HVCN1: variants seen among roughly 807,000 people sequenced by gnomAD.
HVCN1 encodes the protein hydrogen voltage gated channel 1, also known as voltage-gated hydrogen channel 1.
HVCN1 carries 14 observed loss-of-function variants against 29.2 expected under a neutral mutation model. That is an observed-to-expected ratio of 0.48 (90% CI 0.32 to 0.75). The LOEUF (loss-of-function observed/expected upper bound fraction) is 0.75, where lower values mean the gene tolerates loss of function less well. HVCN1 is among the 30% of genes least tolerant of loss of function. HVCN1 has a pLI of 0.04. For synonymous variants in HVCN1, 131 were observed against 133.2 expected, an observed-to-expected ratio of 0.98 and a Z score of 0.11; for missense variants, 263 against 341.8, an observed-to-expected ratio of 0.77 and a Z score of 1.82.
chr12:110,682,439 C>T (rs2069015172), intron 3 of HVCN1, among the ~76,000 whole-genome samples: 1 of 151,988 alleles, frequency 6.6e-6, no homozygotes, highest in South Asian at 2.1e-4. Flanking sequence ...CCTCAAGTGA[C>T]TTGCCCACCT....
chr12:110,650,827 G>A (rs1486693824), intron 6 of HVCN1, among the ~76,000 whole-genome samples: 1 of 151,810 alleles, frequency 6.6e-6, no homozygotes, highest in Non-Finnish European at 1.5e-5. Flanking sequence ...CCCAGTGGCT[G>A]GGACTACATG....
intron 4 of HVCN1, among the ~76,000 whole-genome samples, chr12:110,655,683 C>A (rs1461256636): frequency 6.6e-6 from 1 of 151,880 alleles, no homozygotes; most frequent in Non-Finnish European, 1.5e-5. Context: ...ACTGCCCATA[C>A]CTAGATGGCA....
intron 3 of HVCN1, among the ~76,000 whole-genome samples, chr12:110,674,665 G>A (rs538430040): frequency 1.9e-4 from 29 of 152,188 alleles, no homozygotes; most frequent in African/African-American, 5.5e-4. Flanking sequence ...TGGGTTTATC[G>A]GGGTTTCTGC....
intron 2 of HVCN1, among the ~76,000 whole-genome samples, chr12:110,686,856 G>T (rs550952963): frequency 6.6e-6 from 1 of 152,308 alleles, no homozygotes; most frequent in African/African-American, 2.4e-5. Flanking sequence ...GTATCTCCAA[G>T]AAGCCATTTG....
upstream of HVCN1, among the ~76,000 whole-genome samples, chr12:110,693,521 G>A (rs1161929275): frequency 6.6e-6 from 1 of 151,286 alleles, no homozygotes; most frequent in Non-Finnish European, 1.5e-5. Context: ...TCCAGCCTGG[G>A]CAACAAGAGT....
chr12:110,685,271 G>A lies in HVCN1; in HGVS notation c.-19-2007C>T, dbSNP rs1401815681. ...AAGATTCAGTGCTTTAAAGATGGAG[G>A]ATGGGGCCTCAATCCAAGGCATGTG... is the stretch of plus-strand genomic sequence containing the variant. On this transcript the variant is annotated intron_variant, in intron 2 of 7. Transcript: ENST00000242607. 2.0e-5 allele frequency among the ~76,000 whole-genome samples: 3 copies of A among 152,156 alleles called. No homozygotes were observed. In the East Asian group the frequency reaches 5.8e-4, roughly 29 times the overall value.
rs2067661112 is a variant in HVCN1 at position 110,649,197 on chromosome 12, T to C, written c.*213A>G. 1 of 684,968 alleles carries C rather than the reference T, an allele frequency of 1.5e-6. No homozygotes were observed. Among genetic ancestry groups the C allele is most frequent in the Admixed American group, 2.2e-5 (1 of 45,616 alleles). 42.4% of individuals were successfully genotyped at this position (684,968 alleles called of 1,614,324 possible). A position where few individuals can be genotyped will look rare whatever the true frequency, so the allele number is the denominator to read the frequency against. ...TTCAACATGAGAAAATGTGATACAT[T>C]TGATACAGTGTGGGGTGGGAGTGGA... On this transcript the variant is annotated 3_prime_UTR_variant, in exon 8 of 8. Transcript: ENST00000242607.
intron 4 of HVCN1, among the ~76,000 whole-genome samples, chr12:110,657,894 G>A (rs1350286715): frequency 6.6e-6 from 1 of 152,190 alleles, no homozygotes; most frequent in Non-Finnish European, 1.5e-5. Flanking sequence ...CCAGTCCTGG[G>A]CTCAGCTCCC....
intron 2 of HVCN1, among the ~76,000 whole-genome samples, chr12:110,683,979 G>A (rs1369692562): frequency 6.7e-6 from 1 of 148,822 alleles, no homozygotes; most frequent in Non-Finnish European, 1.5e-5. Context: ...CAATGTAGAT[G>A]AACCTCAAAG....
intron 3 of HVCN1, among the ~76,000 whole-genome samples, chr12:110,673,861 T>C (rs1348117429): frequency 6.6e-6 from 1 of 152,184 alleles, no homozygotes; most frequent in Non-Finnish European, 1.5e-5. Flanking sequence ...GGGGCCCTCA[T>C]GGAGAACCTC....
At chr12:110,701,251 T>G (rs1391321987) in intron 2 of HVCN1, among the ~76,000 whole-genome samples, 2 of 152,206 alleles carry the variant, frequency 1.3e-5, no homozygotes, top group African/African-American at 4.8e-5. Flanking sequence ...TCCAGCCTGT[T>G]TTTATCACCA....
Position 110,649,248 on chromosome 12 carries a change from C to A in HVCN1, c.*162G>T. ...TGGGCAGCTCTTGGTGGTACTGGACCTTCCACAAGGCTGTGTCCACCCAGA... is the reference window on the plus strand; with the variant it reads ...TGGGCAGCTCTTGGTGGTACTGGACATTCCACAAGGCTGTGTCCACCCAGA... On this transcript the variant is annotated 3_prime_UTR_variant, in exon 8 of 8. Transcript: ENST00000242607. 1.5e-6 allele frequency: 1 copy of A among 677,738 alleles called. No individual in the cohort carries two copies. The highest frequency in any genetic ancestry group is 2.7e-6 in the Non-Finnish European group (1 of 372,410). 42.0% of individuals were successfully genotyped at this position (677,738 alleles called of 1,614,324 possible).
intron 3 of HVCN1, among the ~76,000 whole-genome samples, chr12:110,663,699 G>A (rs1379288649): frequency 6.6e-6 from 1 of 151,594 alleles, no homozygotes; most frequent in East Asian, 1.9e-4. Flanking sequence ...CTATACAGCA[G>A]TTAAAATGAA....
At position 110,649,212 on chromosome 12, in the gene HVCN1, G is replaced by A. The variant is rs1472900812; in HGVS notation, c.*198C>T. 2 of 678,410 alleles carry A rather than the reference G, an allele frequency of 2.9e-6. No homozygotes were observed. The highest frequency in any genetic ancestry group is 2.7e-5 in the East Asian group (1 of 37,038). The allele number at this position is 678,410 out of a possible 1,614,324, so 42.0% of individuals were successfully genotyped here. On this transcript the variant is annotated 3_prime_UTR_variant, in exon 8 of 8. Transcript: ENST00000242607. ...TGTGATACATTTGATACAGTGTGGG[G>A]TGGGAGTGGATGGGCAGCTCTTGGT...
intron 2 of HVCN1, among the ~76,000 whole-genome samples, chr12:110,686,318 T>C (rs1246675034): frequency 6.6e-6 from 1 of 152,164 alleles, no homozygotes. Flanking sequence ...TCTAAAAAAT[T>C]ATTTTGAAAT....
chr12:110,650,748 G>A (rs547695928), intron 6 of HVCN1, among the ~76,000 whole-genome samples: 1 of 149,000 alleles, frequency 6.7e-6, no homozygotes, highest in Non-Finnish European at 1.5e-5. Flanking sequence ...AGGCTAGAGT[G>A]CAGTGCACAA....
intron 3 of HVCN1, among the ~76,000 whole-genome samples, chr12:110,677,487 G>A (rs1053946934): frequency 6.6e-6 from 1 of 152,098 alleles, no homozygotes; most frequent in African/African-American, 2.4e-5. Context: ...CTCTCATGTG[G>A]CCCAGCTGTT....
In HVCN1 at chr12:110,649,203, C is replaced by G. The variant is rs1182831903; in HGVS notation, c.*207G>C. The G allele has an allele frequency of 1.5e-6, 1 of 681,874 alleles. No homozygotes were observed. The highest frequency in any genetic ancestry group is 1.8e-5 in the African/African-American group (1 of 55,802). 42.2% of individuals were successfully genotyped at this position (681,874 alleles called of 1,614,324 possible). A position where few individuals can be genotyped will look rare whatever the true frequency, so the allele number is the denominator to read the frequency against. ...ATGAGAAAATGTGATACATTTGATA[C>G]AGTGTGGGGTGGGAGTGGATGGGCA... On this transcript the variant is annotated 3_prime_UTR_variant, in exon 8 of 8. Coordinates refer to ENST00000242607, the MANE Select transcript of HVCN1 (RefSeq NM_032369.4).
chr12:110,658,938 G>A lies in HVCN1; in HGVS notation c.306+2226C>T, dbSNP rs2068074506. 6.6e-6 allele frequency among the ~76,000 whole-genome samples: 1 copy of A among 152,212 alleles called. No homozygotes were observed. Among genetic ancestry groups the A allele is most frequent in the African/African-American group, 2.4e-5 (1 of 41,458 alleles). On this transcript the variant is annotated intron_variant, in intron 4 of 7. Coordinates refer to ENST00000242607, the MANE Select transcript of HVCN1 (RefSeq NM_032369.4). This position sits in a 1 kb window ranked among gnomAD's most constrained non-coding sequence, Gnocchi z 5.0. ...CTCAGGGGCCAGTCCCCAGCCCTAAGCCCAGGCAGGAGGGGGATATCCTGA... is the reference window on the plus strand; with the variant it reads ...CTCAGGGGCCAGTCCCCAGCCCTAAACCCAGGCAGGAGGGGGATATCCTGA...
Sources: gnomAD v4.1 joint callset for allele counts (sites outside exome capture counted in the v4.1 genomes callset) on GRCh38, gnomAD v4.1.1 for gene constraint, Gnocchi (gnomAD v3.1) non-coding constraint, MANE v1.5 for transcripts, NCBI Gene and HGNC (gene_info 2026-07-23, HGNC 2026-07-21) for gene names.